DCDC2: variants seen among roughly 807,000 people sequenced by gnomAD.
DCDC2 encodes the protein doublecortin domain-containing protein 2.
DCDC2 carries 40 observed loss-of-function variants against 50.2 expected under a neutral mutation model. That is an observed-to-expected ratio of 0.80 (90% CI 0.62 to 1.04). The LOEUF (loss-of-function observed/expected upper bound fraction) is 1.04. Among genes scored for constraint, DCDC2 ranks in the 50% least tolerant of loss-of-function variants. The probability of loss-of-function intolerance (pLI) is 0.00; values close to 1 mark genes in which losing one functional copy is unlikely to be tolerated. For synonymous variants in DCDC2, 234 were observed against 210.6 expected (o/e 1.11, Z -0.96); for missense variants, 570 against 581.9 (o/e 0.98, Z 0.21).
chr6:24,372,287 C>T, the DCDC2 span, among the ~76,000 whole-genome samples: 102 of 152,080 alleles, frequency 6.7e-4, no homozygotes, highest in African/African-American at 2.5e-3. Context: ...AGGCATGGTG[C>T]GGGCGTCTGT....
intron 2 of DCDC2, among the ~76,000 whole-genome samples, chr6:24,318,714 T>C (rs959850367): frequency 5.3e-5 from 8 of 152,010 alleles, no homozygotes; most frequent in Admixed American, 1.3e-4. Context: ...GTTCCATCCA[T>C]GTTGCGGCAA....
chr6:24,199,619 C>A (rs891763492), intron 8 of DCDC2, among the ~76,000 whole-genome samples: 2 of 152,150 alleles, frequency 1.3e-5, no homozygotes, highest in Non-Finnish European at 2.9e-5. Context: ...CAAAGGATCA[C>A]AACTCCTCAC....
At chr6:24,221,978 C>T (rs1762129638) in intron 7 of DCDC2, among the ~76,000 whole-genome samples, 1 of 152,154 alleles carries the variant, frequency 6.6e-6, no homozygotes, top group African/African-American at 2.4e-5. Context: ...AACTTTTAGG[C>T]TGCTTCTGAA....
intron 7 of DCDC2, among the ~76,000 whole-genome samples, chr6:24,206,022 C>T (rs1373846231): frequency 6.6e-6 from 1 of 152,088 alleles, no homozygotes; most frequent in Non-Finnish European, 1.5e-5. Flanking sequence ...ATATTTTTAT[C>T]TTTTGCCTTA....
intron 7 of DCDC2, among the ~76,000 whole-genome samples, chr6:24,250,681 A>T (rs1413534524): frequency 2.0e-5 from 3 of 152,058 alleles, no homozygotes; most frequent in Admixed American, 6.6e-5. Flanking sequence ...AATAATACAA[A>T]TTATTCTGCA....
chr6:24,279,942 C>T (rs1268804944), intron 6 of DCDC2, among the ~76,000 whole-genome samples: 2 of 152,176 alleles, frequency 1.3e-5, no homozygotes, highest in African/African-American at 4.8e-5. Flanking sequence ...ATGCTGTCTT[C>T]AAGAGCAGAG....
chr6:24,223,803 A>G (rs1762167209), intron 7 of DCDC2, among the ~76,000 whole-genome samples: 1 of 152,272 alleles, frequency 6.6e-6, no homozygotes, highest in Non-Finnish European at 1.5e-5. Flanking sequence ...GTAACCACCA[A>G]AATGGTACTT....
chr6:24,229,028 G>A (rs934484783), intron 7 of DCDC2, among the ~76,000 whole-genome samples: 16 of 152,188 alleles, frequency 1.1e-4, no homozygotes, highest in Non-Finnish European at 1.6e-4. Flanking sequence ...AAGTAGATGC[G>A]TTGTGAAAAC....
Position 24,174,674 on chromosome 6 carries a change from A to G in DCDC2, c.*56T>C, listed in dbSNP as rs527895036. 3.3e-6 allele frequency: 4 copies of G among 1,207,814 alleles called. No homozygotes were observed. Among genetic ancestry groups the G allele is most frequent in the African/African-American group, 1.5e-5 (1 of 66,886 alleles). 74.8% of individuals were successfully genotyped at this position (1,207,814 alleles called of 1,614,324 possible). A position where few individuals can be genotyped will look rare whatever the true frequency, so the allele number is the denominator to read the frequency against. ...GCAATAACTATGTGCTTATCTTTCAAGTATGATAACCCTTCATTTTTCTTG... is the reference window on the plus strand; with the variant it reads ...GCAATAACTATGTGCTTATCTTTCAGGTATGATAACCCTTCATTTTTCTTG... On this transcript the variant is annotated 3_prime_UTR_variant, in exon 10 of 10. Coordinates refer to ENST00000378454, the MANE Select transcript of DCDC2 (RefSeq NM_016356.5).
chr6:24,255,185 A>G (rs76741636), intron 7 of DCDC2, among the ~76,000 whole-genome samples: 5,504 of 152,198 alleles, frequency 0.036, 222 homozygotes, highest in African/African-American at 0.1. Flanking sequence ...CTAAGTTAAG[A>G]CGAAGGTGAC....
In DCDC2 at chr6:24,218,982, T is replaced by C. The variant is rs529655614; in HGVS notation, c.923-13880A>G. 2.0e-5 allele frequency among the ~76,000 whole-genome samples: 3 copies of C among 152,326 alleles called. 1 individual carries two copies. Among genetic ancestry groups the C allele is most frequent in the Admixed American group, 1.3e-4 (2 of 15,308 alleles). On this transcript the variant is annotated intron_variant, in intron 7 of 9. Transcript: ENST00000378454. Reference sequence around the variant, plus strand: ...TCTTTCTTAACTGATAACTATGAAATACTAATGATCTACTTGTTTTAATCT... The same window carrying C: ...TCTTTCTTAACTGATAACTATGAAACACTAATGATCTACTTGTTTTAATCT...
chr6:24,381,739 G>A, the DCDC2 span, among the ~76,000 whole-genome samples: 2 of 150,130 alleles, frequency 1.3e-5, no homozygotes, highest in East Asian at 4.0e-4. Context: ...CAGCTCAGGA[G>A]TTAGAGAGCA....
intron 7 of DCDC2, among the ~76,000 whole-genome samples, chr6:24,216,400 TAA>T (rs1761977408): frequency 6.6e-6 from 1 of 152,176 alleles, no homozygotes; most frequent in Non-Finnish European, 1.5e-5. Context: ...TAATCAGTAT[TAA>T]AGTGTCCCGC....
the DCDC2 span, among the ~76,000 whole-genome samples, chr6:24,370,097 A>C: frequency 6.6e-6 from 1 of 152,194 alleles, no homozygotes; most frequent in Non-Finnish European, 1.5e-5. Context: ...TAAATGGGTT[A>C]AATGCATCAA....
intron 2 of DCDC2, chr6:24,353,259 G>A (rs770183180): frequency 9.5e-5 from 46 of 482,572 alleles, no homozygotes; most frequent in Middle Eastern, 9.5e-4. Context: ...ATTTAACAAC[G>A]CTCAGAATCT....
rs760608642 is a variant in DCDC2, at chr6:24,291,011, C to T, written c.625G>A (p.Ala209Thr). 14 of 1,613,938 alleles carry T rather than the reference C, an allele frequency of 8.7e-6. No individual in the cohort carries two copies. Among genetic ancestry groups the T allele is most frequent in the African/African-American group, 2.7e-5 (2 of 75,034 alleles). Reference protein sequence around the residue: ...AELENGQFYVAVGRDKFKKLP... With the variant: ...AELENGQFYVTVGRDKFKKLP... ...TTCTTAAACTTATCTCTGCCAACAG[C>T]CACATAAAACTGCCCATTCTCCAAC... Residue 209 changes from alanine (A) to threonine (T), a missense_variant, in exon 5 of 10, where the codon GCT (alanine) becomes ACT (threonine). Ala to Thr is a moderately conservative substitution (Grantham distance 58). Coordinates refer to ENST00000378454, the MANE Select transcript of DCDC2 (RefSeq NM_016356.5).
At chr6:24,257,697 G>GA (rs11366184) in intron 7 of DCDC2, among the ~76,000 whole-genome samples, 4,620 of 137,936 alleles carry the variant, frequency 0.033, 166 homozygotes, top group African/African-American at 0.09. Context: ...TGAAGTTGGG[G>GA]AAAAAAAAAA....
chr6:24,358,148 A>G (rs1435698859), upstream of DCDC2: 106 of 495,858 alleles, frequency 2.1e-4, no homozygotes, highest in East Asian at 3.4e-3. Flanking sequence ...ACACACACAC[A>G]AATATGGTGA....
chr6:24,256,405 T>C (rs1224848770), intron 7 of DCDC2, among the ~76,000 whole-genome samples: 1 of 152,114 alleles, frequency 6.6e-6, no homozygotes. Flanking sequence ...CTCATTTTTA[T>C]GTTATTTTCT....
Sources: allele counts gnomAD v4.1 joint callset (sites outside exome capture counted in the v4.1 genomes callset), GRCh38; gene constraint gnomAD v4.1.1; transcripts MANE v1.5; gene names NCBI Gene and HGNC (gene_info 2026-07-23, HGNC 2026-07-21).